ATP11A: variants seen among roughly 807,000 people sequenced by gnomAD.
The protein encoded by ATP11A is ATPase phospholipid transporting 11A, also known as phospholipid-transporting ATPase IH.
In ATP11A, 81 loss-of-function variants were observed where a neutral mutation model predicts 154.4. That is an observed-to-expected ratio of 0.52 (90% CI 0.44 to 0.63). The LOEUF is 0.63. Ranked by LOEUF, ATP11A falls within the 30% of genes least tolerant of loss-of-function variation. The pLI is 0.00. For synonymous variants in ATP11A, 623 were observed against 585.9 expected, an observed-to-expected ratio of 1.06 and a Z score of -0.91; for missense variants, 1,316 against 1,474.3, an observed-to-expected ratio of 0.89 and a Z score of 1.76.
At chr13:112,700,808 G>A (rs1034559145) in intron 1 of ATP11A, among the ~76,000 whole-genome samples, 2 of 152,182 alleles carry the variant, frequency 1.3e-5, no homozygotes, top group African/African-American at 4.8e-5. Flanking sequence ...CACCCGCCTC[G>A]CCCTGAGGAG....
chr13:112,858,452 T>G (rs112562392), intron 22 of ATP11A, 162 bp downstream of exon 22: 10,021 of 759,340 alleles, frequency 0.013, 324 homozygotes, highest in African/African-American at 0.081. Context: ...CATCTCTTGC[T>G]TAGCTGTGAC....
rs2080030866 is a variant in ATP11A, at chr13:112,859,313, G to A, written c.2668-80G>A. On this transcript the variant is annotated intron_variant, in intron 22 of 29. Transcript: ENST00000375645. The surrounding 1 kb of genome is among the most constrained non-coding windows in gnomAD (Gnocchi z 4.3). ...GGTGCACGTGGATCCCTCCTCCCAT[G>A]TGGGGTGGGCCACGTCGGTAGGTGG... is the stretch of plus-strand genomic sequence containing the variant. 2.6e-6 allele frequency: 3 copies of A among 1,147,002 alleles called. No homozygotes were observed. The highest frequency in any genetic ancestry group is 4.0e-6 in the Non-Finnish European group (3 of 754,816). The allele number at this position is 1,147,002 out of a possible 1,614,324, so 71.1% of individuals were successfully genotyped here.
Position 112,837,860 on chromosome 13 carries a change from G to C in ATP11A, c.1705+1609G>C, listed in dbSNP as rs188140650. 4.1e-3 allele frequency among the ~76,000 whole-genome samples: 630 copies of C among 152,218 alleles called. 5 individuals carry two copies. Among genetic ancestry groups the C allele is most frequent in the Non-Finnish European group, 7.5e-3 (509 of 68,004 alleles). On this transcript the variant is annotated intron_variant, in intron 16 of 29. Coordinates refer to ENST00000375645, the MANE Select transcript of ATP11A (RefSeq NM_015205.3). ...GTAGGGGGAGGCAGTGTGACTCTCGGTGACGCCCTGTGAGTCATAGCGGCT... is the reference window on the plus strand; with the variant it reads ...GTAGGGGGAGGCAGTGTGACTCTCGCTGACGCCCTGTGAGTCATAGCGGCT...
At chr13:112,880,447 C>T (rs915411624) in intron 29 of ATP11A, 2 of 1,072,274 alleles carry the variant, frequency 1.9e-6, no homozygotes, top group South Asian at 1.6e-5. Context: ...CTTCGAGCCT[C>T]TTCCTGCTGG....
intron 16 of ATP11A, among the ~76,000 whole-genome samples, chr13:112,839,199 GA>G (rs764714000): frequency 1.1e-4 from 16 of 152,280 alleles, no homozygotes; most frequent in Admixed American, 2.0e-4. Flanking sequence ...TCTTTTGGGG[GA>G]TCCTGCGGAT....
chr13:112,699,551 G>T (rs560543194), intron 1 of ATP11A, among the ~76,000 whole-genome samples: 2 of 152,230 alleles, frequency 1.3e-5, no homozygotes, highest in African/African-American at 4.8e-5. Flanking sequence ...TGTGAACTCT[G>T]CACCGTATAG....
chr13:112,702,841 G>A (rs1005735931), intron 1 of ATP11A, among the ~76,000 whole-genome samples: 3 of 152,204 alleles, frequency 2.0e-5, no homozygotes, highest in Admixed American at 6.5e-5. Context: ...GCTGTCTTCC[G>A]CCTTTTTCCC....
chr13:112,719,011 A>G (rs1402987996), intron 1 of ATP11A, among the ~76,000 whole-genome samples: 4 of 152,064 alleles, frequency 2.6e-5, no homozygotes, highest in Non-Finnish European at 5.9e-5. Context: ...GGATTGAGGG[A>G]GGGTTAGGAT....
rs373722349 is a variant in ATP11A at position 112,871,813 on chromosome 13, G to A, written c.3057+13G>A. ...AGTTACACTAAAGGTAAGTGGTCTCGCGCTCACGTTCCTCCCCCAGCCACA... is the reference window on the plus strand; with the variant it reads ...AGTTACACTAAAGGTAAGTGGTCTCACGCTCACGTTCCTCCCCCAGCCACA... On this transcript the variant is annotated intron_variant, in intron 26 of 29. Transcript: ENST00000375645. 2.1e-4 allele frequency: 338 copies of A among 1,613,074 alleles called. 2 individuals are homozygous for A. In the South Asian group the frequency reaches 2.7e-3, roughly 13 times the overall value.
chr13:112,700,044 A>ATT (rs5806957), intron 1 of ATP11A, among the ~76,000 whole-genome samples: 9,075 of 139,762 alleles, frequency 0.065, 974 homozygotes, highest in African/African-American at 0.22. Context: ...GACAAAGGTA[A>ATT]TTTTTTTTTT....
At chr13:112,870,996 C>T (rs75198575) in intron 25 of ATP11A, among the ~76,000 whole-genome samples, 3,909 of 152,322 alleles carry the variant, frequency 0.026, 182 homozygotes, top group African/African-American at 0.088. Context: ...TCCACGGCCA[C>T]CTGGGCACCA....
intron 1 of ATP11A, among the ~76,000 whole-genome samples, chr13:112,728,346 G>T (rs916998229): frequency 6.8e-6 from 1 of 147,974 alleles, no homozygotes; most frequent in African/African-American, 2.5e-5. Flanking sequence ...TGTGTTACCT[G>T]TATGTACCAC....
chr13:112,866,355 G>A (rs1035545563), intron 25 of ATP11A, among the ~76,000 whole-genome samples: 8 of 152,138 alleles, frequency 5.3e-5, no homozygotes, highest in Non-Finnish European at 1.2e-4. Flanking sequence ...GCCTCCTGAC[G>A]CACATCCTTG....
At position 112,785,122 on chromosome 13, in the gene ATP11A, C is replaced by T. The variant is rs765075738; in HGVS notation, c.40-13C>T. The T allele has an allele frequency of 6.9e-7, 1 of 1,458,570 alleles. No individual in the cohort carries two copies. Among genetic ancestry groups the T allele is most frequent in the South Asian group, 1.5e-5 (1 of 67,918 alleles). 90.4% of individuals were successfully genotyped at this position (1,458,570 alleles called of 1,614,324 possible). ...TCTGAGGCAGCTGCCTAACACCGCT[C>T]TCCTTTCCGCAGTGTGCAGGAGAAG... On this transcript the variant is annotated splice_polypyrimidine_tract_variant and intron_variant, in intron 1 of 29. Transcript: ENST00000375645. This position sits in a 1 kb window ranked among gnomAD's most constrained non-coding sequence, Gnocchi z 4.8.
At chr13:112,831,287 T>A in intron 12 of ATP11A, 88 bp from the exon 13 acceptor site, 1 of 1,435,650 alleles carries the variant, frequency 7.0e-7, no homozygotes, top group East Asian at 2.4e-5. Flanking sequence ...CAGTGGGAGC[T>A]GGGGAGGAAA....
chr13:112,824,529 T>C (rs763183524), intron 10 of ATP11A, 104 bp downstream of exon 10: 2 of 1,031,470 alleles, frequency 1.9e-6, no homozygotes, highest in Non-Finnish European at 3.0e-6. Flanking sequence ...CCTTTGCCAC[T>C]GTACAGCATC....
rs1890218884 is a variant in ATP11A, at chr13:112,729,189, C to T, written c.39+38734C>T. Among the ~76,000 whole-genome samples, 3 of 152,208 alleles carry T rather than the reference C, an allele frequency of 2.0e-5. No individual in the cohort carries two copies. In the South Asian group the frequency reaches 6.2e-4, roughly 31 times the overall value. On this transcript the variant is annotated intron_variant, in intron 1 of 29. Coordinates refer to ENST00000375645, the MANE Select transcript of ATP11A (RefSeq NM_015205.3). The stretch of plus-strand genomic sequence containing the variant: ...GTATCATCCCGGGTGCTCCTGGACG[C>T]AGGACTCTCCACACGTCTGGTTGGC...
At chr13:112,854,192 G>A in intron 18 of ATP11A, 87 bp from the exon 19 acceptor site, 1 of 1,526,260 alleles carries the variant, frequency 6.6e-7, no homozygotes, top group South Asian at 1.3e-5. Flanking sequence ...TATTTTGACA[G>A]CTTTGCAAGT....
intron 3 of ATP11A, among the ~76,000 whole-genome samples, chr13:112,805,841 A>G (rs1337986543): frequency 6.6e-6 from 1 of 152,210 alleles, no homozygotes; most frequent in Non-Finnish European, 1.5e-5. Flanking sequence ...TAATTTTTCT[A>G]AATCATACAA....
Sources: allele counts gnomAD v4.1 joint callset (sites outside exome capture counted in the v4.1 genomes callset), GRCh38; gene constraint gnomAD v4.1.1; non-coding constraint Gnocchi (gnomAD v3.1); transcripts MANE v1.5; gene names NCBI Gene and HGNC (gene_info 2026-07-23, HGNC 2026-07-21).